Variants in LRIF1 observed in about 807,000 individuals in gnomAD.
The protein encoded by LRIF1 is ligand dependent nuclear receptor interacting factor 1, also known as ligand-dependent nuclear receptor-interacting factor 1.
A neutral mutation model predicts 52.7 loss-of-function variants in LRIF1; 32 were observed. The observed-to-expected ratio is 0.61, with a 90% CI of 0.46 to 0.82. The LOEUF is 0.82. Among genes scored for constraint, LRIF1 ranks in the 40% least tolerant of loss-of-function variants. The pLI is 0.00. For synonymous variants in LRIF1, 323 were observed against 317.4 expected (o/e 1.02, Z -0.19); for missense variants, 887 against 892.0 (o/e 0.99, Z 0.07).
the LRIF1 span, among the ~76,000 whole-genome samples, chr1:110,905,558 C>A: frequency 6.6e-6 from 1 of 151,942 alleles, no homozygotes; most frequent in East Asian, 1.9e-4. Context: ...AAAATGAAGG[C>A]AAAATAAAGA....
the LRIF1 span, among the ~76,000 whole-genome samples, chr1:110,902,495 T>TAAAAAAAG: frequency 1.4e-5 from 1 of 72,654 alleles, no homozygotes; most frequent in African/African-American, 7.0e-5. Context: ...AATCAATCAC[T>TAAAAAAAG]AAAAAAAAAA....
chr1:110,896,685 T>C, the LRIF1 span: 5 of 1,613,614 alleles, frequency 3.1e-6, no homozygotes. Context: ...GCACGAGTGA[T>C]TGGACCAGTG....
the LRIF1 span, among the ~76,000 whole-genome samples, chr1:110,902,481 A>G: frequency 6.8e-6 from 1 of 146,502 alleles, no homozygotes; most frequent in Non-Finnish European, 1.5e-5. Context: ...ATCAAATCGA[A>G]CTAAATCAAT....
At chr1:110,956,847 T>C (rs1658719403) in intron 1 of LRIF1, among the ~76,000 whole-genome samples, 2 of 152,150 alleles carry the variant, frequency 1.3e-5, no homozygotes, top group Admixed American at 6.5e-5. Context: ...TGCCAGAAAG[T>C]TATCTTGAAG....
intron 3 of LRIF1, 139 bp downstream of exon 3, chr1:110,949,712 T>C: frequency 2.1e-6 from 2 of 951,654 alleles, no homozygotes; most frequent in Non-Finnish European, 3.1e-6. Context: ...TTAAATATCA[T>C]TTTGGTATTA....
At chr1:110,911,853 C>A in the LRIF1 span, among the ~76,000 whole-genome samples, 1 of 152,112 alleles carries the variant, frequency 6.6e-6, no homozygotes, top group Non-Finnish European at 1.5e-5. Context: ...AGGGAATGTA[C>A]CTTAAAATAT....
At chr1:110,901,216 T>G in the LRIF1 span, among the ~76,000 whole-genome samples, 1 of 152,066 alleles carries the variant, frequency 6.6e-6, no homozygotes, top group East Asian at 1.9e-4. Context: ...TTGCTCTTGT[T>G]GCCCAGGCTG....
the LRIF1 span, among the ~76,000 whole-genome samples, chr1:110,901,068 T>C: frequency 6.6e-6 from 1 of 152,174 alleles, no homozygotes; most frequent in African/African-American, 2.4e-5. Flanking sequence ...AATTAGTATT[T>C]CAGTGGTAGT....
chr1:110,899,357 C>A, the LRIF1 span: 5 of 557,960 alleles, frequency 9.0e-6, no homozygotes, highest in African/African-American at 1.9e-5. Flanking sequence ...GTTGGCCAGG[C>A]ACATCCCATC....
chr1:110,883,420 T>C, the LRIF1 span, among the ~76,000 whole-genome samples: 1 of 151,998 alleles, frequency 6.6e-6, no homozygotes, highest in African/African-American at 2.4e-5. Context: ...CATAATTTCT[T>C]ATCATTGTTC....
At chr1:110,918,561 A>T in the LRIF1 span, among the ~76,000 whole-genome samples, 2 of 152,212 alleles carry the variant, frequency 1.3e-5, no homozygotes, top group Non-Finnish European at 2.9e-5. Flanking sequence ...TGGATATACT[A>T]TCTCACTGAA....
the LRIF1 span, among the ~76,000 whole-genome samples, chr1:110,904,983 T>C: frequency 6.6e-6 from 1 of 152,178 alleles, no homozygotes; most frequent in East Asian, 1.9e-4. Flanking sequence ...AAAAATGCAA[T>C]TGGCATATTA....
chr1:110,925,363 T>C, the LRIF1 span, among the ~76,000 whole-genome samples: 1 of 152,174 alleles, frequency 6.6e-6, no homozygotes, highest in Non-Finnish European at 1.5e-5. Context: ...ACTCTGCAGA[T>C]CTTGGGCATG....
chr1:110,963,860 C>G lies in LRIF1; in HGVS notation c.-172G>C. 2 of 506,174 alleles carry G rather than the reference C, an allele frequency of 4.0e-6. No individual in the cohort carries two copies. Among genetic ancestry groups the G allele is most frequent in the Non-Finnish European group, 7.2e-6 (2 of 276,284 alleles). The allele number at this position is 506,174 out of a possible 1,614,324, so 31.4% of individuals were successfully genotyped here. On this transcript the variant is annotated 5_prime_UTR_variant, in exon 1 of 4. Coordinates refer to ENST00000369763, the MANE Select transcript of LRIF1 (RefSeq NM_018372.4). ...CAGCGGGCTCTCGAGAGGGTGTATC[C>G]CCAGGCTTCGGGACGAGGTCGCGCA...
At chr1:110,903,410 T>C in the LRIF1 span, among the ~76,000 whole-genome samples, 607 of 152,088 alleles carry the variant, frequency 4.0e-3, 15 homozygotes, top group Admixed American at 0.035. Flanking sequence ...GAGGAGGACT[T>C]GTTTTGCATC....
chr1:110,888,546 T>C, the LRIF1 span, among the ~76,000 whole-genome samples: 66 of 152,340 alleles, frequency 4.3e-4, no homozygotes, highest in African/African-American at 1.6e-3. Flanking sequence ...ATTTTTTAGC[T>C]GTTTCAGGTG....
chr1:110,948,877 A>G (rs375363738), intron 3 of LRIF1, among the ~76,000 whole-genome samples: 2 of 152,188 alleles, frequency 1.3e-5, no homozygotes, highest in African/African-American at 2.4e-5. Context: ...TATTAGCTAT[A>G]TAAGTTGCTT....
At position 110,951,524 on chromosome 1, in the gene LRIF1, TAGA is replaced by T. The variant is rs1176892079; in HGVS notation, c.1357_1359del (p.Ser453del). The T allele has an allele frequency of 3.1e-6, 5 of 1,614,052 alleles. No individual in the cohort carries two copies. The highest frequency in any genetic ancestry group is 2.7e-5 in the African/African-American group (2 of 74,924). On this transcript the variant is annotated inframe_deletion, in exon 2 of 4. Transcript: ENST00000369763. The stretch of plus-strand genomic sequence containing the variant: ...GATTGGTTCATATGTGGATTTGTGG[TAGA>T]AGGAGATGGTTTCTCCACTTTATTC...
the LRIF1 span, chr1:110,942,188 C>A: frequency 6.6e-6 from 1 of 152,104 alleles, no homozygotes; most frequent in South Asian, 2.1e-4. Flanking sequence ...AACTAATAAA[C>A]TTTTGCATTC....
Sources: allele counts gnomAD v4.1 joint callset (sites outside exome capture counted in the v4.1 genomes callset), GRCh38; gene constraint gnomAD v4.1.1; transcripts MANE v1.5; gene names NCBI Gene and HGNC (gene_info 2026-07-23, HGNC 2026-07-21).